ADGRA1: variants seen among roughly 807,000 people sequenced by gnomAD.
The protein encoded by ADGRA1 is G-protein coupled receptor 123.
A neutral mutation model predicts 21.3 loss-of-function variants in ADGRA1; 12 were observed. The observed-to-expected ratio is 0.56, with a 90% confidence interval of 0.36 to 0.91. The LOEUF is 0.91. Ranked by LOEUF, ADGRA1 falls within the 40% of genes least tolerant of loss-of-function variation. ADGRA1 has a pLI of 0.01. For synonymous variants in ADGRA1, 385 were observed against 368.8 expected, an observed-to-expected ratio of 1.04 and a Z score of -0.50; for missense variants, 790 against 805.6, an observed-to-expected ratio of 0.98 and a Z score of 0.23.
intron 5 of ADGRA1, among the ~76,000 whole-genome samples, chr10:133,120,855 A>G (rs942213290): frequency 3.3e-5 from 5 of 152,250 alleles, no homozygotes; most frequent in African/African-American, 1.2e-4. Flanking sequence ...CTTTTGGCCT[A>G]TCTCTGCTTT....
intron 3 of ADGRA1, among the ~76,000 whole-genome samples, chr10:133,098,369 G>A (rs931522155): frequency 3.9e-5 from 6 of 152,158 alleles, no homozygotes; most frequent in African/African-American, 1.4e-4. Context: ...GTCTTCATCC[G>A]CCAAGGGATT....
At chr10:133,126,158 G>A (rs1054852425) in intron 5 of ADGRA1, among the ~76,000 whole-genome samples, 6 of 152,206 alleles carry the variant, frequency 3.9e-5, no homozygotes, top group Admixed American at 1.3e-4. Context: ...CCACAGGTGC[G>A]GTGCCTGCAG....
chr10:133,127,282 G>C lies in ADGRA1; in HGVS notation c.451G>C (p.Ala151Pro). The C allele has an allele frequency of 6.2e-7, 1 of 1,600,096 alleles. No homozygotes were observed. The highest frequency in any genetic ancestry group is 8.5e-7 in the Non-Finnish European group (1 of 1,174,646). Residue 151 changes from alanine (A) to proline (P), a missense_variant, in exon 6 of 7, where the codon GCT becomes CCT. Ala to Pro is a conservative substitution (Grantham distance 27, BLOSUM62 -1). Coordinates refer to ENST00000392607, the MANE Select transcript of ADGRA1 (RefSeq NM_001083909.3). The part of the protein sequence containing the change: ...GVPFIICGVT[A>P]ATNIRNYGTE... The stretch of plus-strand genomic sequence containing the variant: ...CCCCTTTATCATCTGTGGGGTCACG[G>C]CTGCCACGAACATCAGGAATTACGG...
chr10:133,128,515 G>A lies in ADGRA1; in HGVS notation c.687G>A (p.Gly229=). ...TGGCGACACCCGAGGGCGGCCGTGGGATCCGGCCAGGCACCCCACCCGCAC... is the reference window on the plus strand; with the variant it reads ...TGGCGACACCCGAGGGCGGCCGTGGAATCCGGCCAGGCACCCCACCCGCAC... ...RRLATPEGGR[G]IRPGTPPAHD... is the part of the protein sequence containing the mutation. Residue 229 remains glycine, a synonymous_variant, in exon 7 of 7, where the codon GGG becomes GGA. Transcript: ENST00000392607. 1 of 1,547,556 alleles carries A rather than the reference G, an allele frequency of 6.5e-7. No individual in the cohort carries two copies. Among genetic ancestry groups the A allele is most frequent in the African/African-American group, 1.4e-5 (1 of 73,056 alleles).
intron 5 of ADGRA1, 34 bp from the exon 6 acceptor site, chr10:133,127,199 T>G (rs1417804489): frequency 1.4e-6 from 2 of 1,417,702 alleles, no homozygotes; most frequent in Non-Finnish European, 1.9e-6. Flanking sequence ...GCAGGCGGCG[T>G]CTGCAAGGGG....
chr10:133,119,048 ACT>A (rs768302989), intron 5 of ADGRA1, among the ~76,000 whole-genome samples: 1 of 151,170 alleles, frequency 6.6e-6, no homozygotes, highest in Non-Finnish European at 1.5e-5. Context: ...ACACACATAC[ACT>A]CTTGCATTGC....
In ADGRA1 at chr10:133,111,972, CACA is replaced by C. The variant is rs1564849697; in HGVS notation, c.401+9131_401+9133del. Among the ~76,000 whole-genome samples the C allele has an allele frequency of 3.3e-4, 28 of 86,108 alleles. 4 individuals are homozygous for C. The highest frequency in any genetic ancestry group is 4.6e-4 in the African/African-American group (10 of 21,822). 56.5% of individuals were successfully genotyped at this position (86,108 alleles called of 152,430 possible). On this transcript the variant is annotated intron_variant, in intron 5 of 6. Transcript: ENST00000392607. ...TAATCCCTCCAGACCACCTGCCCAC[CACA>C]GGCACCTCCCTCCTAATGCCTCCAG...
chr10:133,117,066 C>G (rs761124319), intron 5 of ADGRA1, among the ~76,000 whole-genome samples: 11 of 152,116 alleles, frequency 7.2e-5, no homozygotes, highest in Non-Finnish European at 1.6e-4. Context: ...CCCAGGTGCT[C>G]TCATGGAGGC....
At chr10:133,100,318 C>T (rs1056645990) in intron 4 of ADGRA1, among the ~76,000 whole-genome samples, 1 of 152,264 alleles carries the variant, frequency 6.6e-6, no homozygotes, top group Non-Finnish European at 1.5e-5. Flanking sequence ...CGGGAAACGC[C>T]ATTGACGTCC....
In ADGRA1 at chr10:133,128,602, C is replaced by G; in HGVS notation, c.774C>G (p.Ala258=). The G allele has an allele frequency of 7.5e-6, 12 of 1,598,438 alleles. No individual in the cohort carries two copies. Among genetic ancestry groups the G allele is most frequent in the Non-Finnish European group, 1.0e-5 (12 of 1,174,762 alleles). ...NEHSFQAQLR[A]AAFTLFLFTA... ...ACTCATTCCAGGCACAGCTGCGCGC[C>G]GCCGCCTTCACGCTGTTCCTGTTCA... The change falls in exon 7 of 7, where the codon GCC becomes GCG. Residue 258 remains alanine (A), a synonymous_variant. Coordinates refer to ENST00000392607, the MANE Select transcript of ADGRA1 (RefSeq NM_001083909.3).
chr10:133,097,039 G>T lies in ADGRA1; in HGVS notation c.69G>T (p.Ala23=). ...PGEFLHPVVY[A]CTAVMLLCLL... is the part of the protein sequence containing the mutation. ...AGTTCCTGCACCCCGTGGTGTACGCGTGCACGGCCGTCATGCTGCTCTGCC... is the reference window on the plus strand; with the variant it reads ...AGTTCCTGCACCCCGTGGTGTACGCTTGCACGGCCGTCATGCTGCTCTGCC... The change falls in exon 3 of 7, where the codon GCG becomes GCT. Residue 23 remains alanine, a synonymous_variant. Coordinates refer to ENST00000392607, the MANE Select transcript of ADGRA1 (RefSeq NM_001083909.3). 1.2e-6 allele frequency: 2 copies of T among 1,611,936 alleles called. No homozygotes were observed. The highest frequency in any genetic ancestry group is 1.7e-6 in the Non-Finnish European group (2 of 1,179,996).
In ADGRA1 at chr10:133,097,075, C is replaced by T; in HGVS notation, c.105C>T (p.Ser35=). The change falls in exon 3 of 7, where the codon TCC becomes TCT. Residue 35 remains serine (S), a synonymous_variant. Coordinates refer to ENST00000392607, the MANE Select transcript of ADGRA1 (RefSeq NM_001083909.3). ...TCATGCTGCTCTGCCTCCTGGCCTC[C>T]TTCGTCACCTACATCGTGCACCAGA... ...TAVMLLCLLA[S]FVTYIVHQSA... 1 of 1,607,720 alleles carries T rather than the reference C, an allele frequency of 6.2e-7. No individual in the cohort carries two copies. The highest frequency in any genetic ancestry group is 1.3e-5 in the African/African-American group (1 of 75,070).
At position 133,129,646 on chromosome 10, in the gene ADGRA1, T is replaced by TGATCACACCCCTGCCCCTTCCTTGG; in HGVS notation, c.*159_*160insGGATCACACCCCTGCCCCTTCCTTG. 1 of 388,502 alleles carries TGATCACACCCCTGCCCCTTCCTTGG rather than the reference T, an allele frequency of 2.6e-6. No homozygotes were observed. Among genetic ancestry groups the TGATCACACCCCTGCCCCTTCCTTGG allele is most frequent in the South Asian group, 3.4e-5 (1 of 29,048 alleles). The allele number at this position is 388,502 out of a possible 1,614,324, so 24.1% of individuals were successfully genotyped here. On this transcript the variant is annotated 3_prime_UTR_variant, in exon 7 of 7. Transcript: ENST00000392607. ...CGTTCACACCCCTGCCCCTTCCTTG[T>TGATCACACCCCTGCCCCTTCCTTGG]GATCACACCCCTGCCCCTTCCTTGT... is the stretch of plus-strand genomic sequence containing the variant.
At chr10:133,121,458 G>A (rs1468441119) in intron 5 of ADGRA1, among the ~76,000 whole-genome samples, 2 of 148,998 alleles carry the variant, frequency 1.3e-5, no homozygotes, top group East Asian at 2.0e-4. Flanking sequence ...TGCGTGGAGT[G>A]TGTCAGTGTG....
rs575048013 is a variant in ADGRA1 at position 133,122,702 on chromosome 10, C to T, written c.402-4531C>T. Among the ~76,000 whole-genome samples, 12 of 152,334 alleles carry T rather than the reference C, an allele frequency of 7.9e-5. No individual in the cohort carries two copies. The South Asian group carries it at 8.3e-4, about 11-fold the overall frequency. ...CAGCCAGGAAACTGTGGTCACGACCCGCGGGGCAGAAGCGAGAACCTTGGG... is the reference window on the plus strand; with the variant it reads ...CAGCCAGGAAACTGTGGTCACGACCTGCGGGGCAGAAGCGAGAACCTTGGG... On this transcript the variant is annotated intron_variant, in intron 5 of 6. Coordinates refer to ENST00000392607, the MANE Select transcript of ADGRA1 (RefSeq NM_001083909.3).
At chr10:133,122,459 C>T (rs979470199) in intron 5 of ADGRA1, among the ~76,000 whole-genome samples, 19 of 152,242 alleles carry the variant, frequency 1.2e-4, no homozygotes, top group Non-Finnish European at 2.1e-4. Context: ...GGCTAATGGG[C>T]GAGGGGCTGG....
intron 4 of ADGRA1, among the ~76,000 whole-genome samples, chr10:133,101,610 G>C (rs958175118): frequency 6.6e-6 from 1 of 152,180 alleles, no homozygotes. Flanking sequence ...ACAGCCCCAC[G>C]GCTGCTTCCT....
At position 133,098,768 on chromosome 10, in the gene ADGRA1, G is replaced by T; in HGVS notation, c.255+5G>T. 1.2e-6 allele frequency: 2 copies of T among 1,608,894 alleles called. No individual in the cohort carries two copies. The highest frequency in any genetic ancestry group is 1.7e-6 in the Non-Finnish European group (2 of 1,179,314). On this transcript the variant is annotated splice_donor_5th_base_variant and intron_variant, in intron 4 of 6. Transcript: ENST00000392607. ...TACCCCATCCTGTGCCAGGCGGTGA[G>T]TGCCGGGGCGCCCTCGTTGGCTCCT...
intron 5 of ADGRA1, among the ~76,000 whole-genome samples, chr10:133,125,292 C>T (rs897587204): frequency 6.6e-6 from 1 of 152,154 alleles, no homozygotes; most frequent in African/African-American, 2.4e-5. Flanking sequence ...TGGATTTAGT[C>T]TACATTTTAC....
Sources: allele counts gnomAD v4.1 joint callset (sites outside exome capture counted in the v4.1 genomes callset), GRCh38; gene constraint gnomAD v4.1.1; transcripts MANE v1.5; gene names NCBI Gene and HGNC (gene_info 2026-07-23, HGNC 2026-07-21).